The following SKIDA1 variants were observed in gnomAD, a reference collection of about 807,000 sequenced individuals.
The protein encoded by SKIDA1 is SKI/DACH domain containing 1.
Under a neutral mutation model 51.4 loss-of-function variants are expected in SKIDA1, and 18 were observed. The observed-to-expected ratio is 0.35, with a 90% CI of 0.24 to 0.52. The LOEUF is 0.52. Ranked by LOEUF, SKIDA1 falls within the 20% of genes least tolerant of loss-of-function variation. The probability of loss-of-function intolerance (pLI) is 0.95; values close to 1 mark genes in which losing one functional copy is unlikely to be tolerated. For synonymous variants in SKIDA1, 579 were observed against 500.5 expected (o/e 1.16, Z -2.09); for missense variants, 1,104 against 1,180.6 (o/e 0.94, Z 0.95).
rs1473067932 is a variant in SKIDA1, at chr10:21,518,341, G to A, written c.-519C>T. 2 of 167,364 alleles carry A rather than the reference G, an allele frequency of 1.2e-5. No individual in the cohort carries two copies. The highest frequency in any genetic ancestry group is 6.5e-5 in the Admixed American group (1 of 15,298). 10.4% of individuals were successfully genotyped at this position (167,364 alleles called of 1,614,324 possible). A position where few individuals can be genotyped will look rare whatever the true frequency, so the allele number is the denominator to read the frequency against. On this transcript the variant is annotated 5_prime_UTR_variant, in exon 4 of 4. Coordinates refer to ENST00000449193, the MANE Select transcript of SKIDA1 (RefSeq NM_207371.4). ...AAGCCAGCGCTGATTGGACACTCCT[G>A]ACAGGTGATGCAATAAAAATTGATA...
At position 21,517,595 on chromosome 10, in the gene SKIDA1, G is replaced by T; in HGVS notation, c.228C>A (p.His76Gln). Residue 76 changes from histidine (H) to glutamine (Q), a missense_variant, in exon 4 of 4, where the codon CAC becomes CAA. By Grantham distance (24) the His-to-Gln change is conservative (BLOSUM62 0). Transcript: ENST00000449193. This position sits in a 1 kb window ranked among gnomAD's most constrained non-coding sequence, Gnocchi z 6.9. ...KLKAINSIAF[H>Q]AAKCTLISRE... ...GGGAGATGAGCGTGCATTTGGCGGCGTGGAAGGCGATGCTGTTAATTGCCT... is the reference window on the plus strand; with the variant it reads ...GGGAGATGAGCGTGCATTTGGCGGCTTGGAAGGCGATGCTGTTAATTGCCT... 6.2e-7 allele frequency: 1 copy of T among 1,613,768 alleles called. No homozygotes were observed. Among genetic ancestry groups the T allele is most frequent in the Non-Finnish European group, 8.5e-7 (1 of 1,179,782 alleles).
In SKIDA1 at chr10:21,516,553, C is replaced by T. The variant is rs769177348; in HGVS notation, c.1270G>A (p.Glu424Lys). The T allele has an allele frequency of 4.1e-6, 6 of 1,470,094 alleles. No homozygotes were observed. Among genetic ancestry groups the T allele is most frequent in the Non-Finnish European group, 4.6e-6 (5 of 1,082,244 alleles). 91.1% of individuals were successfully genotyped at this position (1,470,094 alleles called of 1,614,324 possible). A position where few individuals can be genotyped will look rare whatever the true frequency, so the allele number is the denominator to read the frequency against. Residue 424 changes from glutamate to lysine, a missense_variant, in exon 4 of 4, where the codon GAA (glutamate) becomes AAA (lysine). Around this residue, in one of 3 missense-constraint regions of SKIDA1, gnomAD observed 938 missense variants for 886.4 expected, o/e 1.06. Transcript: ENST00000449193. The surrounding 1 kb of genome is among the most constrained non-coding windows in gnomAD (Gnocchi z 5.7). ...EEEEGEEEEE[E>K]EEEEGGSGAS... The stretch of plus-strand genomic sequence containing the variant: ...CCGCTGCCCCCCTCCTCCTCCTCTT[C>T]CTCCTCCTCCTCCTCTCCCTCCTCC...
At chr10:21,525,420 T>C (rs2032683577) in intron 1 of SKIDA1, 127 bp downstream of exon 1, 1 of 152,194 alleles carries the variant, frequency 6.6e-6, no homozygotes, top group African/African-American at 2.4e-5. Flanking sequence ...TTCGGCATTA[T>C]ATAAACGGAT....
chr10:21,516,872 G>GGCGGCCGCCGCCGCC lies in SKIDA1; in HGVS notation c.936_950dup (p.Ala314_Ala318dup). The GGCGGCCGCCGCCGCC allele has an allele frequency of 1.5e-6, 2 of 1,299,508 alleles. No homozygotes were observed. The highest frequency in any genetic ancestry group is 1.9e-6 in the Non-Finnish European group (2 of 1,029,316). The allele number at this position is 1,299,508 out of a possible 1,614,324, so 80.5% of individuals were successfully genotyped here. ...ACCTCTCCAGGCAAGTGGCCCCCGCGGCGGCCGCCGCCGCCGCTGCCGCCG... is the reference window on the plus strand; with the variant it reads ...ACCTCTCCAGGCAAGTGGCCCCCGCGGCGGCCGCCGCCGCCGCGGCCGCCGCCGCCGCTGCCGCCG... On this transcript the variant is annotated inframe_insertion, in exon 4 of 4. Coordinates refer to ENST00000449193, the MANE Select transcript of SKIDA1 (RefSeq NM_207371.4). The surrounding 1 kb of genome is among the most constrained non-coding windows in gnomAD (Gnocchi z 5.7).
rs2032192726 is a variant in SKIDA1 at position 21,516,081 on chromosome 10, G to T, written c.1742C>A (p.Pro581His). Residue 581 changes from proline (P) to histidine (H), a missense_variant, in exon 4 of 4, where the codon CCT becomes CAT. Coordinates refer to ENST00000449193, the MANE Select transcript of SKIDA1 (RefSeq NM_207371.4). The surrounding 1 kb of genome is among the most constrained non-coding windows in gnomAD (Gnocchi z 5.7). The stretch of plus-strand genomic sequence containing the variant: ...AAATGCATTGTTTGTCTTTGGGCTA[G>T]GTGAAGAGGCCCCCTCTGCCAGGCA... ...INCLAEGASS[P>H]SPKTNNAFPQ... 1 of 1,613,926 alleles carries T rather than the reference G, an allele frequency of 6.2e-7. No homozygotes were observed. The highest frequency in any genetic ancestry group is 1.1e-5 in the South Asian group (1 of 91,086).
Position 21,517,347 on chromosome 10 carries a change from C to T in SKIDA1, c.476G>A (p.Gly159Asp). Reference protein sequence around the residue: ...LPISAQSQRPGAAAARPAAHL... With the variant: ...LPISAQSQRPDAAAARPAAHL... ...GGCGGCGGGGCGCGCGGCGGCGGCG[C>T]CCGGGCGCTGGGACTGCGCGCTGAT... The change falls in exon 4 of 4, where the codon GGC becomes GAC. Residue 159 changes from glycine (G) to aspartate (D), a missense_variant. Coordinates refer to ENST00000449193, the MANE Select transcript of SKIDA1 (RefSeq NM_207371.4). The surrounding 1 kb of genome is among the most constrained non-coding windows in gnomAD (Gnocchi z 6.9). The T allele has an allele frequency of 7.0e-7, 1 of 1,418,598 alleles. No individual in the cohort carries two copies. The highest frequency in any genetic ancestry group is 9.2e-7 in the Non-Finnish European group (1 of 1,084,410). The allele number at this position is 1,418,598 out of a possible 1,614,324, so 87.9% of individuals were successfully genotyped here.
chr10:21,521,523 C>G (rs938271355), intron 2 of SKIDA1, 43 bp from the exon 3 acceptor site: 2 of 152,450 alleles, frequency 1.3e-5, no homozygotes, highest in Non-Finnish European at 2.9e-5. Flanking sequence ...GGACTGTATT[C>G]AAATTTTTTT....
intron 1 of SKIDA1, among the ~76,000 whole-genome samples, chr10:21,524,385 C>T (rs1286808877): frequency 6.6e-6 from 1 of 152,004 alleles, no homozygotes; most frequent in Non-Finnish European, 1.5e-5. Flanking sequence ...TTTTTTTTCT[C>T]AAAGACATAT....
chr10:21,517,346 G>A lies in SKIDA1; in HGVS notation c.477C>T (p.Gly159=). Residue 159 remains glycine, a synonymous_variant, in exon 4 of 4, where the codon GGC becomes GGT. Coordinates refer to ENST00000449193, the MANE Select transcript of SKIDA1 (RefSeq NM_207371.4). This position sits in a 1 kb window ranked among gnomAD's most constrained non-coding sequence, Gnocchi z 6.9. ...GGGCGGCGGGGCGCGCGGCGGCGGC[G>A]CCCGGGCGCTGGGACTGCGCGCTGA... is the stretch of plus-strand genomic sequence containing the variant. The part of the protein sequence containing the change: ...LPISAQSQRP[G]AAAARPAAHL... The A allele has an allele frequency of 7.0e-7, 1 of 1,418,502 alleles. No individual in the cohort carries two copies. The highest frequency in any genetic ancestry group is 1.5e-5 in the South Asian group (1 of 65,772). 87.9% of individuals were successfully genotyped at this position (1,418,502 alleles called of 1,614,324 possible).
In SKIDA1 at chr10:21,517,124, A is replaced by AGCGGCGGCGGCGGCGGCAGCG. The variant is rs2032259770; in HGVS notation, c.698_699insCGCTGCCGCCGCCGCCGCCGC (p.Ala238_Ala244dup). The AGCGGCGGCGGCGGCGGCAGCG allele has an allele frequency of 9.7e-7, 1 of 1,031,728 alleles. No homozygotes were observed. Among genetic ancestry groups the AGCGGCGGCGGCGGCGGCAGCG allele is most frequent in the Non-Finnish European group, 1.2e-6 (1 of 854,922 alleles). 63.9% of individuals were successfully genotyped at this position (1,031,728 alleles called of 1,614,324 possible). A position where few individuals can be genotyped will look rare whatever the true frequency, so the allele number is the denominator to read the frequency against. The stretch of plus-strand genomic sequence containing the variant: ...CGGCGGCGGCGGCGGCGGCGGCAGC[A>AGCGGCGGCGGCGGCGGCAGCG]GCGGCGGCGGCGGCGGCGGCGGCGG... On this transcript the variant is annotated inframe_insertion, in exon 4 of 4. Transcript: ENST00000449193. This position sits in a 1 kb window ranked among gnomAD's most constrained non-coding sequence, Gnocchi z 6.9.
intron 1 of SKIDA1, chr10:21,524,652 A>G (rs1188692522): frequency 6.6e-6 from 1 of 150,860 alleles, no homozygotes; most frequent in Admixed American, 6.6e-5. Flanking sequence ...CTACGCTAAA[A>G]GAGGGCAGAG....
chr10:21,517,124 AGCGGCGGCGGCG>A lies in SKIDA1; in HGVS notation c.687_698del (p.Ala241_Ala244del), dbSNP rs754621872. On this transcript the variant is annotated inframe_deletion, in exon 4 of 4. Coordinates refer to ENST00000449193, the MANE Select transcript of SKIDA1 (RefSeq NM_207371.4). This position sits in a 1 kb window ranked among gnomAD's most constrained non-coding sequence, Gnocchi z 6.9. ...CGGCGGCGGCGGCGGCGGCGGCAGCAGCGGCGGCGGCGGCGGCGGCGGCGGCTGCCGGGTGTT... is the reference window on the plus strand; with the variant it reads ...CGGCGGCGGCGGCGGCGGCGGCAGCAGCGGCGGCGGCGGCTGCCGGGTGTT... 20 of 1,042,016 alleles carry A rather than the reference AGCGGCGGCGGCG, an allele frequency of 1.9e-5. No homozygotes were observed. The highest frequency in any genetic ancestry group is 3.7e-5 in the African/African-American group (2 of 53,338). The allele number at this position is 1,042,016 out of a possible 1,614,324, so 64.5% of individuals were successfully genotyped here. A position where few individuals can be genotyped will look rare whatever the true frequency, so the allele number is the denominator to read the frequency against.
In SKIDA1 at chr10:21,516,875, G is replaced by GGCGGCC; in HGVS notation, c.947_948insGGCCGC (p.Ala317_Ala318dup). ...TCTCCAGGCAAGTGGCCCCCGCGGC[G>GGCGGCC]GCCGCCGCCGCCGCTGCCGCCGCCG... is the stretch of plus-strand genomic sequence containing the variant. On this transcript the variant is annotated inframe_insertion, in exon 4 of 4. Coordinates refer to ENST00000449193, the MANE Select transcript of SKIDA1 (RefSeq NM_207371.4). The surrounding 1 kb of genome is among the most constrained non-coding windows in gnomAD (Gnocchi z 5.7). The GGCGGCC allele has an allele frequency of 7.8e-7, 1 of 1,290,140 alleles. No individual in the cohort carries two copies. The highest frequency in any genetic ancestry group is 9.8e-7 in the Non-Finnish European group (1 of 1,024,250). 79.9% of individuals were successfully genotyped at this position (1,290,140 alleles called of 1,614,324 possible).
In SKIDA1 at chr10:21,515,571, A is replaced by G. The variant is rs369847820; in HGVS notation, c.2252T>C (p.Leu751Pro). The change falls in exon 4 of 4, where the codon CTG becomes CCG. Residue 751 changes from leucine to proline, a missense_variant. Around this residue, in one of 3 missense-constraint regions of SKIDA1, gnomAD observed 938 missense variants for 886.4 expected, o/e 1.06. Coordinates refer to ENST00000449193, the MANE Select transcript of SKIDA1 (RefSeq NM_207371.4). ...GCATGAAAGGCCCTGACTTTGAGCC[A>G]GTGGATTTAAGGAAGGAGTTTCTTT... ...PEKETPSLNP[L>P]AQSQGLSCTL... is the part of the protein sequence containing the mutation. The G allele has an allele frequency of 5.2e-5, 84 of 1,613,918 alleles. No individual in the cohort carries two copies. The highest frequency in any genetic ancestry group is 1.2e-4 in the Admixed American group (7 of 60,006).
At chr10:21,519,974 C>G (rs2032346711) in intron 3 of SKIDA1, among the ~76,000 whole-genome samples, 1 of 152,098 alleles carries the variant, frequency 6.6e-6, no homozygotes, top group African/African-American at 2.4e-5. Flanking sequence ...TTTGAAAAGT[C>G]AGCCCCTGAA....
chr10:21,516,551 T>TCCTCTTCCTCC lies in SKIDA1; in HGVS notation c.1271_1272insGGAGGAAGAGG (p.Gly429ArgfsTer121). ...CCCCGCTGCCCCCCTCCTCCTCCTC[T>TCCTCTTCCTCC]TCCTCCTCCTCCTCCTCTCCCTCCT... On this transcript the variant is annotated frameshift_variant, in exon 4 of 4. Transcript: ENST00000449193. LOFTEE classifies it high-confidence loss of function. The surrounding 1 kb of genome is among the most constrained non-coding windows in gnomAD (Gnocchi z 5.7). The TCCTCTTCCTCC allele has an allele frequency of 1.4e-6, 1 of 704,192 alleles. No homozygotes were observed. Among genetic ancestry groups the TCCTCTTCCTCC allele is most frequent in the East Asian group, 3.8e-5 (1 of 26,464 alleles). 43.6% of individuals were successfully genotyped at this position (704,192 alleles called of 1,614,324 possible). A position where few individuals can be genotyped will look rare whatever the true frequency, so the allele number is the denominator to read the frequency against.
chr10:21,515,875 A>G lies in SKIDA1; in HGVS notation c.1948T>C (p.Ser650Pro), dbSNP rs2032184937. The change falls in exon 4 of 4, where the codon TCT becomes CCT. Residue 650 changes from serine to proline, a missense_variant. Transcript: ENST00000449193. ...TTCACTTCAGGATCAGTCTGCGAAG[A>G]GGGCAAATCCGTAGCAAATTCAGGA... ...HCPEFATDLP[S>P]SQTDPEVNAA... The G allele has an allele frequency of 6.2e-7, 1 of 1,614,080 alleles. No individual in the cohort carries two copies. Among genetic ancestry groups the G allele is most frequent in the Middle Eastern group, 1.6e-4 (1 of 6,062 alleles).
chr10:21,517,244 T>A lies in SKIDA1; in HGVS notation c.579A>T (p.Leu193=). Reference sequence around the variant, plus strand: ...CCTGGAGCGGGGCAGTTTCATAGTTTAGAGGGGGTTTGCACGGCGAGCGCA... The same window carrying A: ...CCTGGAGCGGGGCAGTTTCATAGTTAAGAGGGGGTTTGCACGGCGAGCGCA... ...EIVRSPCKPP[L]NYETAPLQGN... Residue 193 remains leucine (L), a synonymous_variant, in exon 4 of 4, where the codon CTA becomes CTT. Coordinates refer to ENST00000449193, the MANE Select transcript of SKIDA1 (RefSeq NM_207371.4). This position sits in a 1 kb window ranked among gnomAD's most constrained non-coding sequence, Gnocchi z 6.9. 6.8e-7 allele frequency: 1 copy of A among 1,470,738 alleles called. No individual in the cohort carries two copies. Among genetic ancestry groups the A allele is most frequent in the Non-Finnish European group, 9.0e-7 (1 of 1,108,112 alleles). The allele number at this position is 1,470,738 out of a possible 1,614,324, so 91.1% of individuals were successfully genotyped here.
rs564628471 is a variant in SKIDA1, at chr10:21,516,254, C to A, written c.1569G>T (p.Gln523His). 7.4e-6 allele frequency: 12 copies of A among 1,614,042 alleles called. No homozygotes were observed. In the South Asian group the frequency reaches 1.3e-4, roughly 18 times the overall value. The change falls in exon 4 of 4, where the codon CAG (glutamine) becomes CAT (histidine). Residue 523 changes from glutamine to histidine, a missense_variant. This residue lies in a region of SKIDA1 where 938 missense variants were observed against 886.4 expected (regional missense o/e 1.06). Coordinates refer to ENST00000449193, the MANE Select transcript of SKIDA1 (RefSeq NM_207371.4). The surrounding 1 kb of genome is among the most constrained non-coding windows in gnomAD (Gnocchi z 5.7). ...KAESPAEWNL[Q>H]SWAPKASPVY... is the part of the protein sequence containing the mutation. ...CCGGAGATGCTTTGGGGGCCCAGCT[C>A]TGCAGATTCCACTCCGCCGGCGACT...
Sources: gnomAD v4.1 joint callset for allele counts (sites outside exome capture counted in the v4.1 genomes callset) on GRCh38, gnomAD v4.1.1 for gene constraint, gnomAD v4.1.1 regional missense constraint, Gnocchi (gnomAD v3.1) non-coding constraint, MANE v1.5 for transcripts, NCBI Gene and HGNC (gene_info 2026-07-23, HGNC 2026-07-21) for gene names.